EGLN1: variants seen among roughly 807,000 people sequenced by gnomAD.
The protein encoded by EGLN1 is egl-9 family hypoxia inducible factor 1.
In EGLN1, 17 loss-of-function variants were observed where a neutral mutation model predicts 38.3. The ratio of observed to expected loss-of-function variants is 0.44; its 90% CI spans 0.30 to 0.67. The LOEUF is 0.67. EGLN1 is among the 30% of genes least tolerant of loss of function. The pLI, the probability that EGLN1 is intolerant of heterozygous loss-of-function variation, is 0.08. For synonymous variants in EGLN1, 283 were observed against 257.5 expected (o/e 1.10, Z -0.95); for missense variants, 477 against 603.3 (o/e 0.79, Z 2.19).
intron 1 of EGLN1, 111 bp downstream of exon 1, chr1:231,420,887 G>GT: frequency 3.7e-6 from 6 of 1,601,830 alleles, no homozygotes; most frequent in Non-Finnish European, 5.1e-6. Context: ...GAAAGAGCGA[G>GT]TCCCTTCTAT....
intron 1 of EGLN1, among the ~76,000 whole-genome samples, chr1:231,381,374 T>A (rs1323721388): frequency 6.6e-6 from 1 of 152,190 alleles, no homozygotes; most frequent in Non-Finnish European, 1.5e-5. Flanking sequence ...GTAAAGTTTT[T>A]AAAAATCCAA....
At chr1:231,417,107 T>C (rs1466585277) in intron 1 of EGLN1, among the ~76,000 whole-genome samples, 1 of 152,192 alleles carries the variant, frequency 6.6e-6, no homozygotes, top group African/African-American at 2.4e-5. Flanking sequence ...CCTGGGTCAG[T>C]TTCGTTTTTA....
At chr1:231,414,656 G>T (rs888361972) in intron 1 of EGLN1, among the ~76,000 whole-genome samples, 1 of 151,332 alleles carries the variant, frequency 6.6e-6, no homozygotes, top group Non-Finnish European at 1.5e-5. Context: ...AAAGGGAGAA[G>T]AAAGTCTCGA....
chr1:231,374,571 G>A (rs1032740789), intron 1 of EGLN1, among the ~76,000 whole-genome samples: 5 of 150,812 alleles, frequency 3.3e-5, no homozygotes, highest in African/African-American at 1.2e-4. Flanking sequence ...AGGTTCGAGT[G>A]CAGTGATGCA....
intron 2 of EGLN1, 114 bp downstream of exon 2, chr1:231,373,866 A>T: frequency 1.6e-6 from 2 of 1,272,990 alleles, no homozygotes; most frequent in Non-Finnish European, 2.2e-6. Context: ...AAACAAATTT[A>T]AGAGGAAAAT....
chr1:231,412,769 T>C (rs912607184), intron 1 of EGLN1, among the ~76,000 whole-genome samples: 1 of 152,170 alleles, frequency 6.6e-6, no homozygotes, highest in African/African-American at 2.4e-5. Flanking sequence ...GGCTGGGAAG[T>C]AAGTGTCAGC....
At chr1:231,390,340 A>G (rs147642210) in intron 1 of EGLN1, among the ~76,000 whole-genome samples, 4 of 152,352 alleles carry the variant, frequency 2.6e-5, no homozygotes, top group African/African-American at 4.8e-5. Context: ...AAAATGTTCC[A>G]TAAGTCTTAA....
chr1:231,398,631 G>A (rs1688590050), intron 1 of EGLN1, among the ~76,000 whole-genome samples: 1 of 152,194 alleles, frequency 6.6e-6, no homozygotes, highest in Non-Finnish European at 1.5e-5. Context: ...TTGGGGTAAA[G>A]AATCTCCTAA....
Position 231,403,045 on chromosome 1 carries a change from AT to A in EGLN1, c.891+17952del, listed in dbSNP as rs1399046126. Reference sequence around the variant, plus strand: ...TCGCTGTTTAATTTCCACATATGAGATTTTCAAAATTTCATTTTATTACTGA... The same window carrying A: ...TCGCTGTTTAATTTCCACATATGAGATTTCAAAATTTCATTTTATTACTGA... On this transcript the variant is annotated intron_variant, in intron 1 of 4. Coordinates refer to ENST00000366641, the MANE Select transcript of EGLN1 (RefSeq NM_022051.3). Among the ~76,000 whole-genome samples, 10 of 152,106 alleles carry A rather than the reference AT, an allele frequency of 6.6e-5. 2 individuals are homozygous for A. The East Asian group carries it at 1.9e-3, about 29-fold the overall frequency.
At chr1:231,409,247 AAAAAAAAAAC>A (rs1285531136) in intron 1 of EGLN1, among the ~76,000 whole-genome samples, 2 of 143,542 alleles carry the variant, frequency 1.4e-5, no homozygotes, top group Non-Finnish European at 3.0e-5. Flanking sequence ...TTCTTAAAAA[AAAAAAAAAAC>A]AAAAAAAAAC....
intron 2 of EGLN1, among the ~76,000 whole-genome samples, chr1:231,372,904 G>T (rs1237563255): frequency 6.6e-6 from 1 of 151,978 alleles, no homozygotes; most frequent in African/African-American, 2.4e-5. Context: ...AAGGTTATTT[G>T]ACTTAAAAAC....
At chr1:231,416,048 C>T (rs1241672336) in intron 1 of EGLN1, among the ~76,000 whole-genome samples, 1 of 152,150 alleles carries the variant, frequency 6.6e-6, no homozygotes, top group Non-Finnish European at 1.5e-5. Flanking sequence ...AGGGTTTCAC[C>T]ATGTTGGTTG....
intron 1 of EGLN1, among the ~76,000 whole-genome samples, chr1:231,416,870 G>A (rs1169360456): frequency 1.3e-5 from 2 of 152,096 alleles, no homozygotes; most frequent in African/African-American, 4.8e-5. Context: ...TACATACAGA[G>A]TAACTCACTT....
At chr1:231,367,527 G>T (rs368551219) in intron 4 of EGLN1, 42 bp downstream of exon 4, 7 of 1,577,164 alleles carry the variant, frequency 4.4e-6, no homozygotes, top group Non-Finnish European at 6.1e-6. Context: ...TGATTGCAGG[G>T]TATTTCTGTA....
At chr1:231,387,056 G>A (rs1425861629) in intron 1 of EGLN1, among the ~76,000 whole-genome samples, 4 of 151,652 alleles carry the variant, frequency 2.6e-5, no homozygotes, top group Non-Finnish European at 4.4e-5. Context: ...ATGAGGTCTC[G>A]CTATGTTGCC....
At chr1:231,401,256 C>T (rs557021450) in intron 1 of EGLN1, among the ~76,000 whole-genome samples, 2 of 152,200 alleles carry the variant, frequency 1.3e-5, no homozygotes, top group African/African-American at 4.8e-5. Flanking sequence ...TTTTAAATCT[C>T]TCTGTGCCTC....
In EGLN1 at chr1:231,421,549, C is replaced by T. The variant is rs1656608370; in HGVS notation, c.340G>A (p.Ala114Thr). 1 of 1,310,276 alleles carries T rather than the reference C, an allele frequency of 7.6e-7. No individual in the cohort carries two copies. Among genetic ancestry groups the T allele is most frequent in the East Asian group, 3.2e-5 (1 of 31,460 alleles). The allele number at this position is 1,310,276 out of a possible 1,614,324, so 81.2% of individuals were successfully genotyped here. Residue 114 changes from alanine (A) to threonine (T), a missense_variant, in exon 1 of 5, where the codon GCC becomes ACC. Ala to Thr is a moderately conservative substitution (Grantham distance 58). Around this residue, in one of 4 missense-constraint regions of EGLN1, gnomAD observed 298 missense variants for 288.9 expected, o/e 1.03. Transcript: ENST00000366641. This position sits in a 1 kb window ranked among gnomAD's most constrained non-coding sequence, Gnocchi z 5.5. ...SGDAAKGKVKAKPPADPAAAA... is the reference protein window; with the variant it reads ...SGDAAKGKVKTKPPADPAAAA... ...GCCGCTGGGTCGGCCGGGGGCTTGG[C>T]CTTTACTTTTCCCTTGGCCGCGTCC... is the stretch of plus-strand genomic sequence containing the variant.
intron 1 of EGLN1, among the ~76,000 whole-genome samples, chr1:231,391,251 G>A (rs1688378834): frequency 6.6e-6 from 1 of 151,766 alleles, no homozygotes; most frequent in Admixed American, 6.6e-5. Context: ...ATGCCCAGCT[G>A]GTATATCTTT....
At chr1:231,376,646 A>G (rs1687965261) in intron 1 of EGLN1, among the ~76,000 whole-genome samples, 1 of 152,194 alleles carries the variant, frequency 6.6e-6, no homozygotes, top group African/African-American at 2.4e-5. Flanking sequence ...GTACTATGAA[A>G]TCTGGTCTAA....
Sources: gnomAD v4.1 joint callset for allele counts (sites outside exome capture counted in the v4.1 genomes callset) on GRCh38, gnomAD v4.1.1 for gene constraint, gnomAD v4.1.1 regional missense constraint, Gnocchi (gnomAD v3.1) non-coding constraint, MANE v1.5 for transcripts, NCBI Gene and HGNC (gene_info 2026-07-23, HGNC 2026-07-21) for gene names.